The following LDB2 variants were observed in gnomAD, a reference collection of about 807,000 sequenced individuals.
LDB2 encodes the protein LIM domain-binding protein 2.
In LDB2, 12 loss-of-function variants were observed where a neutral mutation model predicts 44.3. The ratio of observed to expected loss-of-function variants is 0.27; its 90% CI spans 0.17 to 0.44. The LOEUF (loss-of-function observed/expected upper bound fraction) is 0.44. LDB2 is among the 20% of genes least tolerant of loss of function. LDB2 has a pLI of 1.00. For missense variants in LDB2, 344 were observed against 473.5 expected (o/e 0.73, Z 2.54); for synonymous variants, 164 against 174.8 (o/e 0.94, Z 0.49).
intron 5 of LDB2, among the ~76,000 whole-genome samples, chr4:16,581,212 T>C (rs1714281559): frequency 6.6e-6 from 1 of 152,200 alleles, no homozygotes; most frequent in Admixed American, 6.5e-5. Flanking sequence ...GAATGAGTAA[T>C]GAAAGCTCTG....
At chr4:16,563,582 G>A (rs1269502383) in intron 5 of LDB2, among the ~76,000 whole-genome samples, 2 of 150,218 alleles carry the variant, frequency 1.3e-5, no homozygotes, top group Non-Finnish European at 3.0e-5. Context: ...CCGAGTAGCT[G>A]GGACTACAGG....
intron 2 of LDB2, among the ~76,000 whole-genome samples, chr4:16,711,089 A>C (rs1437323167): frequency 6.6e-6 from 1 of 152,224 alleles, no homozygotes; most frequent in Non-Finnish European, 1.5e-5. Flanking sequence ...CAATGCTGAC[A>C]CTCTTACAAT....
chr4:16,849,953 T>C (rs1561435621), intron 1 of LDB2, among the ~76,000 whole-genome samples: 1 of 152,212 alleles, frequency 6.6e-6, no homozygotes. Context: ...AAAGTAGGCA[T>C]ACTTTTAACA....
rs1394199138 is a variant in LDB2, at chr4:16,617,469, A to G, written c.236-21594T>C. ...AGTAAGCTGGATCCTGAACAAATAT[A>G]AAATTAAGAAGTGATTAACACCCAG... On this transcript the variant is annotated intron_variant, in intron 2 of 7. Coordinates refer to ENST00000304523, the MANE Select transcript of LDB2 (RefSeq NM_001290.5). Among the ~76,000 whole-genome samples, 3 of 152,336 alleles carry G rather than the reference A, an allele frequency of 2.0e-5. No individual in the cohort carries two copies. The East Asian group carries it at 5.8e-4, about 29-fold the overall frequency.
rs564102101 is a variant in LDB2 at position 16,725,546 on chromosome 4, T to C, written c.235+33612A>G. Among the ~76,000 whole-genome samples the C allele has an allele frequency of 4.6e-5, 7 of 152,268 alleles. No homozygotes were observed. In the South Asian group the frequency reaches 1.2e-3, roughly 27 times the overall value. On this transcript the variant is annotated intron_variant, in intron 2 of 7. Coordinates refer to ENST00000304523, the MANE Select transcript of LDB2 (RefSeq NM_001290.5). The stretch of plus-strand genomic sequence containing the variant: ...CAATCAGCCCAAATTGGCCAGACTT[T>C]AATTAATAACTGACAGCTTCCTCAA...
At chr4:16,562,719 C>T (rs1049428995) in intron 5 of LDB2, among the ~76,000 whole-genome samples, 27 of 152,280 alleles carry the variant, frequency 1.8e-4, no homozygotes, top group Admixed American at 1.2e-3. Context: ...TTACTGGGTA[C>T]ATACCCAAAG....
At chr4:16,621,477 G>C (rs185844721) in intron 2 of LDB2, among the ~76,000 whole-genome samples, 1 of 152,198 alleles carries the variant, frequency 6.6e-6, no homozygotes, top group Admixed American at 6.5e-5. Context: ...TGATCATAAA[G>C]GCAAGTTAGA....
intron 5 of LDB2, among the ~76,000 whole-genome samples, chr4:16,557,660 C>A (rs1740257462): frequency 6.6e-6 from 1 of 152,228 alleles, no homozygotes; most frequent in African/African-American, 2.4e-5. Flanking sequence ...AAAAAGACAG[C>A]AGTAACCTCT....
At chr4:16,734,645 C>T (rs1473712245) in intron 2 of LDB2, among the ~76,000 whole-genome samples, 10 of 152,056 alleles carry the variant, frequency 6.6e-5, no homozygotes, top group Non-Finnish European at 1.3e-4. Flanking sequence ...CCTGTCTTGC[C>T]CATGATTTCT....
chr4:16,808,990 C>T (rs958406153), intron 1 of LDB2, among the ~76,000 whole-genome samples: 1 of 152,076 alleles, frequency 6.6e-6, no homozygotes, highest in Non-Finnish European at 1.5e-5. Flanking sequence ...AAGTTCTTAC[C>T]AAAGGAATAT....
chr4:16,584,087 C>T (rs1299178111), intron 5 of LDB2, among the ~76,000 whole-genome samples: 2 of 152,138 alleles, frequency 1.3e-5, no homozygotes, highest in African/African-American at 4.8e-5. Flanking sequence ...AGTAGAGAGT[C>T]GGCGCTGTGT....
chr4:16,801,649 A>G (rs1324899567), intron 1 of LDB2, among the ~76,000 whole-genome samples: 1 of 152,242 alleles, frequency 6.6e-6, no homozygotes, highest in Non-Finnish European at 1.5e-5. Context: ...ATTATTCAAT[A>G]GTGCAACATA....
At chr4:16,704,679 T>A (rs982529164) in intron 2 of LDB2, among the ~76,000 whole-genome samples, 3 of 152,230 alleles carry the variant, frequency 2.0e-5, no homozygotes, top group African/African-American at 7.2e-5. Context: ...GCCTATGACG[T>A]AGTCACATAA....
intron 5 of LDB2, among the ~76,000 whole-genome samples, chr4:16,540,880 T>C (rs1343196213): frequency 1.3e-5 from 2 of 152,138 alleles, no homozygotes; most frequent in African/African-American, 4.8e-5. Flanking sequence ...ATTAAGAAAA[T>C]GCAAAATTTA....
At chr4:16,614,131 G>A (rs954863142) in intron 2 of LDB2, among the ~76,000 whole-genome samples, 4 of 152,110 alleles carry the variant, frequency 2.6e-5, no homozygotes, top group Admixed American at 1.3e-4. Context: ...ACAATCATCT[G>A]ATCTTTGAAA....
intron 2 of LDB2, among the ~76,000 whole-genome samples, chr4:16,644,262 G>T (rs1297167594): frequency 1.3e-5 from 2 of 152,090 alleles, no homozygotes; most frequent in Admixed American, 6.5e-5. Context: ...CCAGTGTAGA[G>T]ACACAAATGA....
At chr4:16,511,145 A>T (rs930472510) in intron 6 of LDB2, among the ~76,000 whole-genome samples, 3 of 152,126 alleles carry the variant, frequency 2.0e-5, no homozygotes, top group African/African-American at 7.2e-5. Context: ...CTGGCCACTT[A>T]CCAGCCGAAG....
intron 3 of LDB2, among the ~76,000 whole-genome samples, chr4:16,589,479 C>T (rs1171315216): frequency 6.6e-6 from 1 of 152,046 alleles, no homozygotes; most frequent in East Asian, 1.9e-4. Context: ...GACACTTTAT[C>T]TTTCTAAGAA....
intron 1 of LDB2, among the ~76,000 whole-genome samples, chr4:16,863,194 C>A (rs895294716): frequency 1.3e-5 from 2 of 152,166 alleles, no homozygotes; most frequent in African/African-American, 4.8e-5. Flanking sequence ...AGTTACAAAT[C>A]AACAACTTAT....
Sources: gnomAD v4.1 joint callset for allele counts (sites outside exome capture counted in the v4.1 genomes callset) on GRCh38, gnomAD v4.1.1 for gene constraint, MANE v1.5 for transcripts, NCBI Gene and HGNC (gene_info 2026-07-23, HGNC 2026-07-21) for gene names.